The following NAALADL2 variants were observed in gnomAD, a reference collection of about 807,000 sequenced individuals.
NAALADL2 encodes the protein inactive N-acetylated-alpha-linked acidic dipeptidase-like protein 2.
Under a neutral mutation model 87.2 loss-of-function variants are expected in NAALADL2, and 76 were observed. The ratio of observed to expected loss-of-function variants is 0.87; its 90% confidence interval spans 0.72 to 1.05. The LOEUF is 1.05. Ranked by LOEUF, NAALADL2 falls within the 50% of genes least tolerant of loss-of-function variation. The probability of loss-of-function intolerance (pLI) is 0.00; values close to 1 mark genes in which losing one functional copy is unlikely to be tolerated. For synonymous variants in NAALADL2, 354 were observed against 331.0 expected (o/e 1.07, Z -0.75); for missense variants, 1,089 against 945.8 (o/e 1.15, Z -1.99).
At position 174,474,521 on chromosome 3, in the gene NAALADL2, AG is replaced by A. The variant is rs372505548; in HGVS notation, c.-184+33493del. 3.5e-4 allele frequency among the ~76,000 whole-genome samples: 53 copies of A among 152,238 alleles called. No individual in the cohort carries two copies. In the East Asian group the frequency reaches 9.8e-3, roughly 28 times the overall value. On this transcript the variant is annotated intron_variant, in intron 1 of 3. Transcript: ENST00000434257. ...AAAGTGTAAACTAACCTTAACTATA[AG>A]GGGAGTTACTTGAAAATCAGTAATA...
intron 5 of NAALADL2, among the ~76,000 whole-genome samples, chr3:175,412,651 C>T (rs983757638): frequency 1.3e-5 from 2 of 151,802 alleles, no homozygotes; most frequent in African/African-American, 4.8e-5. Context: ...TTCTCATTAA[C>T]GAATCAGTTC....
At chr3:174,468,865 C>T (rs1716709582) in intron 1 of NAALADL2, among the ~76,000 whole-genome samples, 1 of 151,030 alleles carries the variant, frequency 6.6e-6, no homozygotes, top group Admixed American at 6.6e-5. Flanking sequence ...CGGGTTCAAG[C>T]TGTTCTCCTG....
chr3:175,372,441 A>T (rs1014544509), intron 5 of NAALADL2, among the ~76,000 whole-genome samples: 6 of 152,252 alleles, frequency 3.9e-5, no homozygotes, highest in Admixed American at 1.3e-4. Context: ...AAAATGAGAA[A>T]TCGAATGAAG....
chr3:175,620,109 T>G (rs2149697171), intron 10 of NAALADL2, among the ~76,000 whole-genome samples: 1 of 151,060 alleles, frequency 6.6e-6, no homozygotes, highest in African/African-American at 2.4e-5. Flanking sequence ...AAGTAATAGG[T>G]TTGCACTTAC....
At chr3:174,978,615 C>T (rs1242278537) in intron 1 of NAALADL2, among the ~76,000 whole-genome samples, 3 of 151,924 alleles carry the variant, frequency 2.0e-5, no homozygotes, top group South Asian at 2.1e-4. Flanking sequence ...ATATGTTTTC[C>T]GAATAATAAC....
intron 1 of NAALADL2, among the ~76,000 whole-genome samples, chr3:175,039,274 C>T (rs1446532067): frequency 6.6e-6 from 1 of 152,120 alleles, no homozygotes; most frequent in African/African-American, 2.4e-5. Flanking sequence ...TCAAGCAATT[C>T]TCCTGCCTCA....
At chr3:175,346,241 C>A (rs544037950) in intron 5 of NAALADL2, among the ~76,000 whole-genome samples, 1 of 151,966 alleles carries the variant, frequency 6.6e-6, no homozygotes, top group Non-Finnish European at 1.5e-5. Context: ...CAGAGATAAA[C>A]TTCACTGATT....
chr3:174,573,400 T>G (rs1282810395), intron 2 of NAALADL2, among the ~76,000 whole-genome samples: 1 of 152,164 alleles, frequency 6.6e-6, no homozygotes, highest in Non-Finnish European at 1.5e-5. Context: ...CCTGAGTAGC[T>G]GAGACTAAAG....
At chr3:175,622,573 G>A (rs762814992) in intron 10 of NAALADL2, among the ~76,000 whole-genome samples, 8 of 152,042 alleles carry the variant, frequency 5.3e-5, no homozygotes, top group Non-Finnish European at 8.8e-5. Context: ...GATTGACGAC[G>A]AAGATGTGAA....
intron 13 of NAALADL2, among the ~76,000 whole-genome samples, chr3:175,768,341 T>G (rs1170329692): frequency 1.3e-5 from 2 of 152,178 alleles, no homozygotes; most frequent in African/African-American, 4.8e-5. Flanking sequence ...TCTCTCCGTG[T>G]ACTCCCAGGG....
chr3:175,097,147 TTTTA>T lies in NAALADL2; in HGVS notation c.409_412del (p.Ile137LeufsTer4). 1 of 1,613,684 alleles carries T rather than the reference TTTTA, an allele frequency of 6.2e-7. No individual in the cohort carries two copies. The highest frequency in any genetic ancestry group is 8.5e-7 in the Non-Finnish European group (1 of 1,179,632). ...TTAAAAATACTTTGCACAGCCACCA[TTTTA>T]TTTATTTTTGGGATTTTGATAGGTT... On this transcript the variant is annotated frameshift_variant, in exon 2 of 14. Transcript: ENST00000454872. LOFTEE classifies it high-confidence loss of function.
chr3:174,920,197 A>T (rs1015616369), intron 1 of NAALADL2, among the ~76,000 whole-genome samples: 1 of 152,214 alleles, frequency 6.6e-6, no homozygotes, highest in Non-Finnish European at 1.5e-5. Context: ...CAGAAGAGTC[A>T]GACTGTCTCT....
intron 5 of NAALADL2, among the ~76,000 whole-genome samples, chr3:175,325,955 T>A (rs1760655878): frequency 6.6e-6 from 1 of 152,206 alleles, no homozygotes; most frequent in African/African-American, 2.4e-5. Flanking sequence ...TAATTTTTCA[T>A]TTTTTACATT....
intron 8 of NAALADL2, among the ~76,000 whole-genome samples, chr3:175,469,307 C>G (rs890612572): frequency 6.6e-6 from 1 of 151,962 alleles, no homozygotes; most frequent in East Asian, 1.9e-4. Flanking sequence ...TCCTGTTTTG[C>G]CTACTCATGT....
rs1171942983 is a variant in NAALADL2, at chr3:175,522,918, T to G, written c.1653+51160T>G. ...CATCCAACTGTATATAAGGTTCAAT[T>G]GCAAGAAATAAACATTTATGAAAGT... On this transcript the variant is annotated intron_variant, in intron 9 of 13. Coordinates refer to ENST00000454872, the MANE Select transcript of NAALADL2 (RefSeq NM_207015.3). Among the ~76,000 whole-genome samples, 3 of 152,208 alleles carry G rather than the reference T, an allele frequency of 2.0e-5. No individual in the cohort carries two copies. The East Asian group carries it at 5.8e-4, about 29-fold the overall frequency.
intron 2 of NAALADL2, among the ~76,000 whole-genome samples, chr3:175,149,711 G>C (rs1731265017): frequency 6.6e-6 from 1 of 152,108 alleles, no homozygotes; most frequent in East Asian, 1.9e-4. Context: ...TTAAAACATA[G>C]TTATAAAAAT....
At chr3:175,521,720 C>T (rs1236187678) in intron 9 of NAALADL2, among the ~76,000 whole-genome samples, 8 of 152,090 alleles carry the variant, frequency 5.3e-5, no homozygotes, top group Non-Finnish European at 1.2e-4. Context: ...GATGCTTCTA[C>T]AAGCTAAGAA....
intron 11 of NAALADL2, among the ~76,000 whole-genome samples, chr3:175,678,796 C>A (rs1735193355): frequency 6.6e-6 from 1 of 152,068 alleles, no homozygotes; most frequent in Admixed American, 6.5e-5. Flanking sequence ...ATGGGTGCAG[C>A]ACACCAACAT....
At chr3:174,504,456 T>C (rs990263505) in intron 1 of NAALADL2, among the ~76,000 whole-genome samples, 4 of 152,056 alleles carry the variant, frequency 2.6e-5, no homozygotes, top group Admixed American at 1.3e-4. Flanking sequence ...ATTGGTAGAA[T>C]TGAGATAAGA....
Sources: allele counts gnomAD v4.1 joint callset (sites outside exome capture counted in the v4.1 genomes callset), GRCh38; gene constraint gnomAD v4.1.1; transcripts MANE v1.5; gene names NCBI Gene and HGNC (gene_info 2026-07-23, HGNC 2026-07-21).